ADGRB3: variants seen among roughly 807,000 people sequenced by gnomAD.
ADGRB3 encodes adhesion G protein-coupled receptor B3.
Under a neutral mutation model 193.4 loss-of-function variants are expected in ADGRB3, and 37 were observed. That is an observed-to-expected ratio of 0.19 (90% CI 0.15 to 0.25). The LOEUF (loss-of-function observed/expected upper bound fraction) is 0.25, where lower values mean the gene tolerates loss of function less well. Ranked by LOEUF, ADGRB3 falls within the 10% of genes least tolerant of loss-of-function variation. The pLI, the probability that ADGRB3 is intolerant of heterozygous loss-of-function variation, is 1.00. For synonymous variants in ADGRB3, 690 were observed against 644.2 expected, an observed-to-expected ratio of 1.07 and a Z score of -1.08; for missense variants, 1,637 against 1,852.9, an observed-to-expected ratio of 0.88 and a Z score of 2.14.
At chr6:68,958,533 T>C (rs1169723662) in intron 8 of ADGRB3, among the ~76,000 whole-genome samples, 1 of 152,156 alleles carries the variant, frequency 6.6e-6, no homozygotes, top group African/African-American at 2.4e-5. Flanking sequence ...ATAGTACTGC[T>C]GCAATCAAAT....
At chr6:68,923,953 G>C (rs955162114) in intron 3 of ADGRB3, among the ~76,000 whole-genome samples, 5 of 152,092 alleles carry the variant, frequency 3.3e-5, no homozygotes, top group African/African-American at 1.2e-4. Flanking sequence ...TTAGTCTGCT[G>C]TAAAGGTGTT....
intron 17 of ADGRB3, among the ~76,000 whole-genome samples, chr6:69,159,002 A>G (rs1314904065): frequency 6.6e-6 from 1 of 151,872 alleles, no homozygotes; most frequent in African/African-American, 2.4e-5. Flanking sequence ...CCACCTCTAT[A>G]CCATGCCTCA....
At chr6:69,166,974 G>A (rs55727434) in intron 17 of ADGRB3, among the ~76,000 whole-genome samples, 21,980 of 151,928 alleles carry the variant, frequency 0.14, 1,621 homozygotes, top group Middle Eastern at 0.16. Flanking sequence ...TAACAATTAG[G>A]TTATGCAAAT....
chr6:68,874,056 A>G (rs1582273388), intron 3 of ADGRB3, among the ~76,000 whole-genome samples: 1 of 152,086 alleles, frequency 6.6e-6, no homozygotes, highest in Non-Finnish European at 1.5e-5. Flanking sequence ...ACATTACAGT[A>G]TGTGCCAACT....
chr6:69,388,040 C>A (rs1770111160), intron 31 of ADGRB3, among the ~76,000 whole-genome samples: 1 of 152,028 alleles, frequency 6.6e-6, no homozygotes. Flanking sequence ...ATCTTTCAAA[C>A]TTTATAGAAT....
At chr6:69,154,353 C>T (rs983588932) in intron 17 of ADGRB3, among the ~76,000 whole-genome samples, 1 of 152,114 alleles carries the variant, frequency 6.6e-6, no homozygotes, top group African/African-American at 2.4e-5. Flanking sequence ...TGTTTCCCAC[C>T]TCCTCATTAG....
intron 17 of ADGRB3, among the ~76,000 whole-genome samples, chr6:69,167,873 G>A (rs1775170441): frequency 6.6e-6 from 1 of 151,992 alleles, no homozygotes; most frequent in South Asian, 2.1e-4. Flanking sequence ...GCACTGGGGT[G>A]GTTCATGTTT....
intron 4 of ADGRB3, among the ~76,000 whole-genome samples, chr6:68,936,132 G>A (rs922059212): frequency 6.6e-5 from 10 of 152,058 alleles, no homozygotes; most frequent in African/African-American, 1.9e-4. Flanking sequence ...TATTCCTGCC[G>A]CCAAAGCCAT....
intron 19 of ADGRB3, 75 bp from the exon 20 acceptor site, chr6:69,239,049 T>G: frequency 1.5e-6 from 1 of 687,028 alleles, no homozygotes; most frequent in Non-Finnish European, 2.4e-6. Context: ...ATGAATGCCA[T>G]CAGTTTGCAC....
At chr6:68,667,565 A>G (rs1327964669) in intron 3 of ADGRB3, among the ~76,000 whole-genome samples, 1 of 152,006 alleles carries the variant, frequency 6.6e-6, no homozygotes, top group Non-Finnish European at 1.5e-5. Context: ...CATCAGTATA[A>G]TAAATAGTTC....
In ADGRB3 at chr6:68,789,590, T is replaced by C. The variant is rs944286868; in HGVS notation, c.758-140969T>C. Among the ~76,000 whole-genome samples the C allele has an allele frequency of 5.3e-5, 8 of 152,344 alleles. No homozygotes were observed. In the East Asian group the frequency reaches 1.3e-3, roughly 26 times the overall value. On this transcript the variant is annotated intron_variant, in intron 3 of 31. Coordinates refer to ENST00000370598, the MANE Select transcript of ADGRB3 (RefSeq NM_001704.3). ...TTTCTCTCTGGCTGCCCTTAACATT[T>C]TTTCCTTCATTTCAACTGGTGAATC...
intron 3 of ADGRB3, among the ~76,000 whole-genome samples, chr6:68,776,098 C>T (rs1301316699): frequency 2.0e-5 from 3 of 152,094 alleles, no homozygotes; most frequent in African/African-American, 7.2e-5. Flanking sequence ...CTGTGACAAA[C>T]ATAGGCTCTG....
chr6:69,112,485 C>T (rs1773394376), intron 17 of ADGRB3, among the ~76,000 whole-genome samples: 1 of 152,008 alleles, frequency 6.6e-6, no homozygotes, highest in African/African-American at 2.4e-5. Flanking sequence ...GAGATGAGAG[C>T]ACTGGGGACA....
chr6:69,251,281 A>G (rs984790634), intron 20 of ADGRB3, among the ~76,000 whole-genome samples: 14 of 152,216 alleles, frequency 9.2e-5, no homozygotes, highest in Non-Finnish European at 2.1e-4. Flanking sequence ...GATAAAATAC[A>G]ATCGTCTTAG....
chr6:69,252,799 T>C (rs1316203066), intron 20 of ADGRB3, among the ~76,000 whole-genome samples: 2 of 152,096 alleles, frequency 1.3e-5, no homozygotes, highest in Non-Finnish European at 2.9e-5. Context: ...TGAAGTTCAG[T>C]GTATCATTTA....
At chr6:68,793,759 C>T (rs1042393032) in intron 3 of ADGRB3, among the ~76,000 whole-genome samples, 3 of 152,058 alleles carry the variant, frequency 2.0e-5, no homozygotes, top group African/African-American at 4.8e-5. Context: ...AAACTCCTGA[C>T]CTCATATGAT....
chr6:68,911,040 A>G (rs899065458), intron 3 of ADGRB3, among the ~76,000 whole-genome samples: 1 of 152,052 alleles, frequency 6.6e-6, no homozygotes, highest in African/African-American at 2.4e-5. Flanking sequence ...ACCCATGAGC[A>G]TGGAATGTTC....
At chr6:69,050,188 A>G (rs1245122232) in intron 15 of ADGRB3, among the ~76,000 whole-genome samples, 8 of 152,230 alleles carry the variant, frequency 5.3e-5, no homozygotes, top group Non-Finnish European at 1.0e-4. Context: ...CAAAACAAAT[A>G]GTCTAATAAA....
At chr6:69,371,490 A>G (rs1047287718) in intron 29 of ADGRB3, among the ~76,000 whole-genome samples, 10 of 152,108 alleles carry the variant, frequency 6.6e-5, no homozygotes, top group Non-Finnish European at 1.5e-4. Context: ...TATTTTTCCA[A>G]CTGCCTGAAT....
Sources: allele counts gnomAD v4.1 joint callset (sites outside exome capture counted in the v4.1 genomes callset), GRCh38; gene constraint gnomAD v4.1.1; transcripts MANE v1.5; gene names NCBI Gene and HGNC (gene_info 2026-07-23, HGNC 2026-07-21).